The following CSMD1 variants were observed in gnomAD, a reference collection of about 807,000 sequenced individuals.
CSMD1 encodes CUB and sushi domain-containing protein 1.
In CSMD1, 213 loss-of-function variants were observed where a neutral mutation model predicts 417.5. The observed-to-expected ratio is 0.51, with a 90% confidence interval of 0.46 to 0.57. The LOEUF is 0.57. Among genes scored for constraint, CSMD1 ranks in the 20% least tolerant of loss-of-function variants. CSMD1 has a pLI of 0.00. For missense variants in CSMD1, 6,923 were observed against 4,529.7 expected (o/e 1.53, Z -15.17); for synonymous variants, 2,862 against 1,736.8 (o/e 1.65, Z -16.11).
chr8:3,228,696 A>C (rs184105012), intron 27 of CSMD1, among the ~76,000 whole-genome samples: 1 of 152,168 alleles, frequency 6.6e-6, no homozygotes, highest in Non-Finnish European at 1.5e-5. Context: ...AATATAAATT[A>C]ATAAATTACT....
chr8:3,989,481 C>G (rs537376036), intron 5 of CSMD1, among the ~76,000 whole-genome samples: 25 of 152,258 alleles, frequency 1.6e-4, no homozygotes, highest in African/African-American at 6.0e-4. Context: ...GACAAAAAAC[C>G]TGGATTCTCT....
intron 3 of CSMD1, among the ~76,000 whole-genome samples, chr8:4,146,221 G>C (rs1039076973): frequency 1.3e-5 from 2 of 151,062 alleles, no homozygotes; most frequent in Admixed American, 1.3e-4. Flanking sequence ...TTGGAAACAT[G>C]AACTTGGAGA....
intron 1 of CSMD1, among the ~76,000 whole-genome samples, chr8:4,796,361 G>A (rs925922839): frequency 6.6e-6 from 1 of 152,052 alleles, no homozygotes; most frequent in Non-Finnish European, 1.5e-5. Flanking sequence ...GCCAGACCCA[G>A]CTTTATAAAG....
chr8:3,754,421 A>T lies in CSMD1; in HGVS notation c.819-379T>A, dbSNP rs527679213. On this transcript the variant is annotated intron_variant, in intron 5 of 69. Coordinates refer to ENST00000635120, the MANE Select transcript of CSMD1 (RefSeq NM_033225.6). ...AAATTCTGTGTTTCACAATTTGAAG[A>T]CTTAGTAATTCCTTATTTATTTATT... Among the ~76,000 whole-genome samples the T allele has an allele frequency of 1.6e-4, 23 of 145,600 alleles. No homozygotes were observed. In the South Asian group the frequency reaches 4.5e-3, roughly 29 times the overall value.
At chr8:4,543,257 G>A (rs766234088) in intron 2 of CSMD1, among the ~76,000 whole-genome samples, 14 of 152,022 alleles carry the variant, frequency 9.2e-5, no homozygotes, top group African/African-American at 2.4e-4. Flanking sequence ...CACATCTGAC[G>A]GTGTGGACTG....
intron 5 of CSMD1, among the ~76,000 whole-genome samples, chr8:3,779,513 T>G (rs371131755): frequency 6.6e-6 from 1 of 152,178 alleles, no homozygotes; most frequent in African/African-American, 2.4e-5. Flanking sequence ...AAATATGTGA[T>G]GGAAAATTAC....
At chr8:4,425,391 A>C (rs1797489933) in intron 2 of CSMD1, among the ~76,000 whole-genome samples, 1 of 150,944 alleles carries the variant, frequency 6.6e-6, no homozygotes, top group African/African-American at 2.5e-5. Flanking sequence ...AAAAAAAAAA[A>C]AAAAAATAGA....
chr8:3,037,864 T>G (rs890599694), intron 50 of CSMD1, among the ~76,000 whole-genome samples: 4 of 152,162 alleles, frequency 2.6e-5, no homozygotes, highest in African/African-American at 4.8e-5. Flanking sequence ...AGTTCTAGCT[T>G]CTTCTTCCCC....
chr8:4,768,372 T>C (rs988946123), intron 1 of CSMD1, among the ~76,000 whole-genome samples: 1 of 152,164 alleles, frequency 6.6e-6, no homozygotes, highest in African/African-American at 2.4e-5. Context: ...CAAAGCTTCC[T>C]GTTCTTTCCA....
intron 3 of CSMD1, among the ~76,000 whole-genome samples, chr8:4,344,156 G>A (rs1054016189): frequency 6.6e-6 from 1 of 152,078 alleles, no homozygotes; most frequent in South Asian, 2.1e-4. Context: ...GAAATGCCTT[G>A]TTAATCTGCT....
At chr8:3,765,284 C>T (rs544314293) in intron 5 of CSMD1, among the ~76,000 whole-genome samples, 40 of 152,282 alleles carry the variant, frequency 2.6e-4, no homozygotes, top group South Asian at 1.0e-3. Context: ...GCTAGCCCCA[C>T]GGACTCACTT....
At chr8:4,655,764 T>G (rs778107832) in intron 1 of CSMD1, among the ~76,000 whole-genome samples, 1 of 152,180 alleles carries the variant, frequency 6.6e-6, no homozygotes, top group Admixed American at 6.5e-5. Flanking sequence ...ACTAATAGTA[T>G]AATTTACGTT....
chr8:3,493,765 G>A lies in CSMD1; in HGVS notation c.1345-39C>T, dbSNP rs75475417. ...ACGAAACAGTGACTTAGAACAACAGGTACTTCCCATGACTTTTAATAGGTA... is the reference window on the plus strand; with the variant it reads ...ACGAAACAGTGACTTAGAACAACAGATACTTCCCATGACTTTTAATAGGTA... On this transcript the variant is annotated intron_variant, in intron 10 of 69. Transcript: ENST00000635120. The A allele has an allele frequency of 2.1e-4, 320 of 1,534,522 alleles. 1 individual carries two copies. The African/African-American group carries it at 3.9e-3, about 19-fold the overall frequency.
intron 3 of CSMD1, among the ~76,000 whole-genome samples, chr8:4,167,351 G>A (rs1417717457): frequency 1.3e-5 from 2 of 152,138 alleles, no homozygotes; most frequent in Non-Finnish European, 1.5e-5. Context: ...TGTGAAGGGT[G>A]CCTGGTGACA....
rs757552966 is a variant in CSMD1, at chr8:3,979,201, C to T, written c.818+18702G>A. Among the ~76,000 whole-genome samples the T allele has an allele frequency of 5.3e-5, 8 of 152,276 alleles. No individual in the cohort carries two copies. In the East Asian group the frequency reaches 1.2e-3, roughly 22 times the overall value. Reference sequence around the variant, plus strand: ...TAGCACACTAACAGACAGGGACAGCCAAATCTCAATAATGTATAGGAAGTT... The same window carrying T: ...TAGCACACTAACAGACAGGGACAGCTAAATCTCAATAATGTATAGGAAGTT... On this transcript the variant is annotated intron_variant, in intron 5 of 69. Coordinates refer to ENST00000635120, the MANE Select transcript of CSMD1 (RefSeq NM_033225.6).
At chr8:4,911,904 G>T (rs561761989) in intron 1 of CSMD1, among the ~76,000 whole-genome samples, 1 of 151,830 alleles carries the variant, frequency 6.6e-6, no homozygotes, top group African/African-American at 2.4e-5. Context: ...AAAATTACTA[G>T]ACAGGTATTT....
At chr8:4,531,145 G>C (rs1166012947) in intron 2 of CSMD1, among the ~76,000 whole-genome samples, 1 of 152,108 alleles carries the variant, frequency 6.6e-6, no homozygotes, top group Non-Finnish European at 1.5e-5. Flanking sequence ...TGTGTGAGTA[G>C]GACATTTTTT....
At chr8:4,388,217 C>G (rs145736832) in intron 3 of CSMD1, among the ~76,000 whole-genome samples, 151 of 152,082 alleles carry the variant, frequency 9.9e-4, no homozygotes, top group African/African-American at 3.6e-3. Context: ...GATATTTGCA[C>G]ATGCGTGTTT....
intron 3 of CSMD1, among the ~76,000 whole-genome samples, chr8:4,268,799 C>A (rs755202007): frequency 6.6e-6 from 1 of 151,580 alleles, no homozygotes; most frequent in Non-Finnish European, 1.5e-5. Context: ...TCACAAAGGA[C>A]ATTATAAAAT....
Sources: gnomAD v4.1 joint callset for allele counts (sites outside exome capture counted in the v4.1 genomes callset) on GRCh38, gnomAD v4.1.1 for gene constraint, MANE v1.5 for transcripts, NCBI Gene and HGNC (gene_info 2026-07-23, HGNC 2026-07-21) for gene names.